SLC18A2: variants seen among roughly 807,000 people sequenced by gnomAD.
SLC18A2 encodes synaptic vesicular amine transporter.
SLC18A2 carries 33 observed loss-of-function variants against 59.2 expected under a neutral mutation model. That is an observed-to-expected ratio of 0.56 (90% CI 0.42 to 0.75). SLC18A2 has a LOEUF of 0.75. Among genes scored for constraint, SLC18A2 ranks in the 30% least tolerant of loss-of-function variants. The probability of loss-of-function intolerance (pLI) is 0.00; values close to 1 mark genes in which losing one functional copy is unlikely to be tolerated. For missense variants in SLC18A2, 569 were observed against 668.6 expected, an observed-to-expected ratio of 0.85 and a Z score of 1.64; for synonymous variants, 228 against 253.5, an observed-to-expected ratio of 0.90 and a Z score of 0.95.
intron 4 of SLC18A2, 99 bp from the exon 5 acceptor site, chr10:117,253,949 T>C (rs1384765450): frequency 2.9e-6 from 3 of 1,031,640 alleles, no homozygotes; most frequent in African/African-American, 3.2e-5. Flanking sequence ...AACATGCAAA[T>C]GCTCCACTGG....
At chr10:117,241,580 G>A in intron 1 of SLC18A2, 99 bp from the exon 2 acceptor site, 20 of 1,286,824 alleles carry the variant, frequency 1.6e-5, no homozygotes, top group South Asian at 1.4e-4. Context: ...CCGGATGCCG[G>A]TGCGCGCGGC....
Position 117,269,048 on chromosome 10 carries a change from A to ACC in SLC18A2, c.1187-1018_1187-1017dup, listed in dbSNP as rs146198632. Reference sequence around the variant, plus strand: ...CATACACACACACATACACACATACACCCCCCACATAAACACATACACATA... The same window carrying ACC: ...CATACACACACACATACACACATACACCCCCCCCACATAAACACATACACATA... On this transcript the variant is annotated intron_variant, in intron 13 of 15. Transcript: ENST00000644641. The surrounding 1 kb of genome is among the most constrained non-coding windows in gnomAD (Gnocchi z 5.1). Among the ~76,000 whole-genome samples the ACC allele has an allele frequency of 2.1e-4, 32 of 151,842 alleles. No homozygotes were observed. Among genetic ancestry groups the ACC allele is most frequent in the Admixed American group, 1.5e-3 (23 of 15,266 alleles).
intron 15 of SLC18A2, among the ~76,000 whole-genome samples, chr10:117,276,388 G>T (rs1430252506): frequency 2.0e-5 from 3 of 151,912 alleles, no homozygotes; most frequent in Admixed American, 1.3e-4. Context: ...GAGGAGGGGG[G>T]ATCACTTGAA....
chr10:117,254,208 A>G, intron 5 of SLC18A2, 77 bp downstream of exon 5: 1 of 1,450,626 alleles, frequency 6.9e-7, no homozygotes, highest in Non-Finnish European at 9.6e-7. Flanking sequence ...GAATTCAGGT[A>G]TTGGTGGTGG....
intron 15 of SLC18A2, among the ~76,000 whole-genome samples, chr10:117,272,863 C>T (rs1425832638): frequency 3.9e-5 from 6 of 152,082 alleles, no homozygotes; most frequent in Non-Finnish European, 5.9e-5. Context: ...CCAGCGGTGG[C>T]GGCCGACAGC....
chr10:117,250,455 G>A (rs2532805), intron 3 of SLC18A2, among the ~76,000 whole-genome samples: 134,637 of 152,226 alleles, frequency 0.88, 60,233 homozygotes, highest in South Asian at 0.97. Flanking sequence ...TATTCCATAC[G>A]TGCATTGTTA....
chr10:117,262,642 A>T (rs1844307016), intron 10 of SLC18A2, among the ~76,000 whole-genome samples: 1 of 151,972 alleles, frequency 6.6e-6, no homozygotes, highest in Admixed American at 6.6e-5. Context: ...TTGACTTTGC[A>T]TGCAACTCTT....
chr10:117,241,758 T>A lies in SLC18A2; in HGVS notation c.65T>A (p.Ile22Asn). 6.2e-7 allele frequency: 1 copy of A among 1,611,392 alleles called. No homozygotes were observed. Among genetic ancestry groups the A allele is most frequent in the East Asian group, 2.2e-5 (1 of 44,640 alleles). The change falls in exon 2 of 16, where the codon ATC becomes AAC. Residue 22 changes from isoleucine to asparagine, a missense_variant. By Grantham distance (149) the Ile-to-Asn change is moderately radical. Coordinates refer to ENST00000644641, the MANE Select transcript of SLC18A2 (RefSeq NM_003054.6). The stretch of plus-strand genomic sequence containing the variant: ...GAGAGCCGCCGCTCGCGGAAGCTCA[T>A]CCTGTTCATCGTGTTCCTGGCGCTG... ...LQESRRSRKL[I>N]LFIVFLALLL...
intron 11 of SLC18A2, 71 bp downstream of exon 11, chr10:117,266,882 T>C: frequency 1.3e-6 from 2 of 1,555,772 alleles, no homozygotes; most frequent in South Asian, 2.3e-5. Flanking sequence ...CTAAGTTGTT[T>C]CTGCCTTTGC....
chr10:117,256,891 A>G (rs1309922316), intron 9 of SLC18A2, among the ~76,000 whole-genome samples: 1 of 152,060 alleles, frequency 6.6e-6, no homozygotes, highest in African/African-American at 2.4e-5. Context: ...CTTCCCTGGA[A>G]CCTCACTGCC....
chr10:117,265,580 G>A (rs1373683903), intron 10 of SLC18A2, among the ~76,000 whole-genome samples: 1 of 152,144 alleles, frequency 6.6e-6, no homozygotes, highest in African/African-American at 2.4e-5. Context: ...ATTGTCCTGT[G>A]GTTCTGAGGA....
chr10:117,255,592 G>C lies in SLC18A2; in HGVS notation c.835-5G>C. 1 of 1,613,904 alleles carries C rather than the reference G, an allele frequency of 6.2e-7. No individual in the cohort carries two copies. The highest frequency in any genetic ancestry group is 1.1e-5 in the South Asian group (1 of 91,064). ...TGCTTCTGACCCGTGTTTTTTTCTT[G>C]ACAGAGTCAGAAGGGGACACCCCTA... is the stretch of plus-strand genomic sequence containing the variant. On this transcript the variant is annotated splice_polypyrimidine_tract_variant and splice_region_variant and intron_variant, in intron 8 of 15. Transcript: ENST00000644641.
At chr10:117,257,427 G>A (rs1018422560) in intron 9 of SLC18A2, among the ~76,000 whole-genome samples, 1 of 152,080 alleles carries the variant, frequency 6.6e-6, no homozygotes, top group African/African-American at 2.4e-5. Flanking sequence ...AGGCTGCCCC[G>A]AGACTGTGTG....
chr10:117,247,012 C>T (rs2133727923), intron 3 of SLC18A2, among the ~76,000 whole-genome samples: 2 of 152,252 alleles, frequency 1.3e-5, no homozygotes, highest in Admixed American at 1.3e-4. Context: ...ATTTCCAAGC[C>T]CAGTAGATAT....
At chr10:117,260,472 CTGTT>C (rs36079170) in intron 10 of SLC18A2, among the ~76,000 whole-genome samples, 20,324 of 152,194 alleles carry the variant, frequency 0.13, 1,798 homozygotes, top group East Asian at 0.44. Context: ...CTCTCCCACT[CTGTT>C]TGTCCTCAGG....
intron 13 of SLC18A2, chr10:117,267,987 A>AC: frequency 2.5e-6 from 1 of 393,258 alleles, no homozygotes; most frequent in East Asian, 3.6e-5. Context: ...CTGATGCTCC[A>AC]CTGCTGGGGC....
At chr10:117,244,337 A>G in intron 3 of SLC18A2, 24 bp downstream of exon 3, 1 of 1,562,988 alleles carries the variant, frequency 6.4e-7, no homozygotes. Context: ...CTTTAGTCAA[A>G]GAGTTTGATA....
intron 15 of SLC18A2, among the ~76,000 whole-genome samples, chr10:117,272,740 G>A (rs1262490983): frequency 1.3e-5 from 2 of 152,146 alleles, no homozygotes; most frequent in African/African-American, 4.8e-5. Context: ...GCCCATCAAT[G>A]ATGCCCATAA....
chr10:117,258,569 TTTTA>T (rs200850670), intron 10 of SLC18A2, among the ~76,000 whole-genome samples: 575 of 47,124 alleles, frequency 0.012, 3 homozygotes, highest in African/African-American at 0.025. Context: ...ACTAATTAAA[TTTTA>T]TTTTTTTTTA....
Sources: gnomAD v4.1 joint callset for allele counts (sites outside exome capture counted in the v4.1 genomes callset) on GRCh38, gnomAD v4.1.1 for gene constraint, Gnocchi (gnomAD v3.1) non-coding constraint, MANE v1.5 for transcripts, NCBI Gene and HGNC (gene_info 2026-07-23, HGNC 2026-07-21) for gene names.